Variants in WIPF1 observed in about 807,000 individuals in gnomAD.
The protein encoded by WIPF1 is WAS/WASL-interacting protein family member 1.
A neutral mutation model predicts 35.4 loss-of-function variants in WIPF1; 13 were observed. That is an observed-to-expected ratio of 0.37 (90% CI 0.24 to 0.58). WIPF1 has a LOEUF of 0.58. Ranked by LOEUF, WIPF1 falls within the 20% of genes least tolerant of loss-of-function variation. The pLI is 0.74. For missense variants in WIPF1, 591 were observed against 667.0 expected, an observed-to-expected ratio of 0.89 and a Z score of 1.25; for synonymous variants, 267 against 266.3, an observed-to-expected ratio of 1.00 and a Z score of -0.02.
rs1685731402 is a variant in WIPF1 at position 174,594,484 on chromosome 2, C to T, written c.-39+3117G>A. Among the ~76,000 whole-genome samples, 3 of 152,122 alleles carry T rather than the reference C, an allele frequency of 2.0e-5. No individual in the cohort carries two copies. In the South Asian group the frequency reaches 6.2e-4, roughly 32 times the overall value. ...GAGAAAATGAAGGTGAGCTGAATGA[C>T]ACGCCTACCTGTCATTATTTAACTG... On this transcript the variant is annotated intron_variant, in intron 1 of 7. Transcript: ENST00000679041.
intron 1 of WIPF1, among the ~76,000 whole-genome samples, chr2:174,627,501 C>CCCTT (rs779321946): frequency 6.8e-6 from 1 of 146,738 alleles, no homozygotes; most frequent in African/African-American, 2.5e-5. Context: ...CTTCCTTCCT[C>CCCTT]CCTTCCTTCC....
chr2:174,631,273 G>A (rs927411126), intron 1 of WIPF1, among the ~76,000 whole-genome samples: 3 of 152,224 alleles, frequency 2.0e-5, no homozygotes, highest in Non-Finnish European at 2.9e-5. Flanking sequence ...ATACAAATAT[G>A]TTTGGCCTTA....
intron 1 of WIPF1, among the ~76,000 whole-genome samples, chr2:174,604,749 T>G (rs892506158): frequency 3.5e-4 from 53 of 152,190 alleles, no homozygotes; most frequent in Middle Eastern, 3.2e-3. Context: ...TGTTCAGGAT[T>G]TTAGACTTTA....
At chr2:174,564,005 A>G (rs1684566348) in intron 7 of WIPF1, among the ~76,000 whole-genome samples, 1 of 152,170 alleles carries the variant, frequency 6.6e-6, no homozygotes, top group Non-Finnish European at 1.5e-5. Context: ...CCAGACACCT[A>G]TCATGGGGCC....
intron 1 of WIPF1, among the ~76,000 whole-genome samples, chr2:174,616,609 A>G (rs1686512812): frequency 6.6e-6 from 1 of 152,210 alleles, no homozygotes; most frequent in South Asian, 2.1e-4. Context: ...TAAGATGACC[A>G]ACATTGAATT....
At chr2:174,605,674 G>C (rs1686137781) in intron 1 of WIPF1, among the ~76,000 whole-genome samples, 1 of 152,078 alleles carries the variant, frequency 6.6e-6, no homozygotes, top group East Asian at 1.9e-4. Flanking sequence ...TATGATGCCT[G>C]GGCTTGTTTC....
intron 1 of WIPF1, among the ~76,000 whole-genome samples, chr2:174,667,255 G>A (rs1044495850): frequency 6.6e-6 from 1 of 152,182 alleles, no homozygotes; most frequent in African/African-American, 2.4e-5. Flanking sequence ...CCTGGGACTG[G>A]TCGAGGTCTC....
At chr2:174,614,899 AAT>A (rs1686461244) in intron 1 of WIPF1, among the ~76,000 whole-genome samples, 1 of 152,210 alleles carries the variant, frequency 6.6e-6, no homozygotes, top group African/African-American at 2.4e-5. Context: ...CCTCTGCCCC[AAT>A]ATCTTGAGAA....
At chr2:174,612,476 T>C (rs1686378301) in intron 1 of WIPF1, among the ~76,000 whole-genome samples, 1 of 152,206 alleles carries the variant, frequency 6.6e-6, no homozygotes, top group Non-Finnish European at 1.5e-5. Context: ...TTATTACAAA[T>C]CCTATTATAA....
rs1052478578 is a variant in WIPF1, at chr2:174,653,594, T to A, written c.-39+29180A>T. On this transcript the variant is annotated intron_variant, in intron 1 of 8. Transcript: ENST00000272746. ...TACTAAAAATACTAAAAAAAAAAATTAGCCGGGTGTGGTGGCGGGTGCCTG... is the reference window on the plus strand; with the variant it reads ...TACTAAAAATACTAAAAAAAAAAATAAGCCGGGTGTGGTGGCGGGTGCCTG... 1.9e-4 allele frequency among the ~76,000 whole-genome samples: 28 copies of A among 151,310 alleles called. No homozygotes were observed. In the East Asian group the frequency reaches 5.4e-3, roughly 29 times the overall value.
chr2:174,581,199 G>T, intron 3 of WIPF1, 111 bp downstream of exon 3: 1 of 1,459,546 alleles, frequency 6.9e-7, no homozygotes. Flanking sequence ...TAGCTTTGCA[G>T]CTGTTGTTAA....
intron 1 of WIPF1, chr2:174,625,807 C>T (rs1038438911): frequency 1.3e-5 from 2 of 152,116 alleles, no homozygotes; most frequent in Admixed American, 6.5e-5. Flanking sequence ...TCAAATGTAA[C>T]TCAATAGTCT....
At position 174,561,479 on chromosome 2, in the gene WIPF1, G is replaced by C. The variant is rs1684482205; in HGVS notation, c.*1068C>G. 6.6e-6 allele frequency: 1 copy of C among 152,380 alleles called. No individual in the cohort carries two copies. The highest frequency in any genetic ancestry group is 1.5e-5 in the Non-Finnish European group (1 of 68,176). 9.4% of individuals were successfully genotyped at this position (152,380 alleles called of 1,614,324 possible). ...CGTGAGCCAGCTGGTTCTGAGCCCA[G>C]AAGTCCCGACAGGCTTTCCATTTGT... On this transcript the variant is annotated 3_prime_UTR_variant, in exon 8 of 8. Transcript: ENST00000679041.
chr2:174,595,856 A>G (rs1010184843), intron 1 of WIPF1, among the ~76,000 whole-genome samples: 2 of 152,252 alleles, frequency 1.3e-5, no homozygotes, highest in African/African-American at 4.8e-5. Context: ...CTTCAACAAC[A>G]AGCACATGTT....
intron 1 of WIPF1, among the ~76,000 whole-genome samples, chr2:174,642,148 C>A (rs1000532720): frequency 4.6e-5 from 7 of 152,192 alleles, no homozygotes; most frequent in African/African-American, 1.7e-4. Flanking sequence ...CCTTTCACTT[C>A]AACCAAACCT....
intron 1 of WIPF1, among the ~76,000 whole-genome samples, chr2:174,610,934 A>G (rs1357208354): frequency 6.6e-6 from 1 of 152,208 alleles, no homozygotes; most frequent in African/African-American, 2.4e-5. Context: ...CAGCCAAAAG[A>G]AAAACGCACA....
intron 1 of WIPF1, among the ~76,000 whole-genome samples, chr2:174,586,684 G>A (rs578254556): frequency 8.5e-5 from 13 of 152,152 alleles, no homozygotes; most frequent in Non-Finnish European, 1.8e-4. Flanking sequence ...CTAGGACAAC[G>A]CCTCACCCAC....
intron 1 of WIPF1, among the ~76,000 whole-genome samples, chr2:174,594,326 C>T (rs1219381327): frequency 6.6e-6 from 1 of 152,134 alleles, no homozygotes; most frequent in Admixed American, 6.5e-5. Flanking sequence ...AGCTTGGACA[C>T]AATTTTACTG....
chr2:174,658,733 A>G (rs898876491), intron 1 of WIPF1, among the ~76,000 whole-genome samples: 3 of 151,982 alleles, frequency 2.0e-5, no homozygotes, highest in African/African-American at 7.3e-5. Flanking sequence ...CATGTTCTAT[A>G]GCGGGATGGT....
Sources: gnomAD v4.1 joint callset for allele counts (sites outside exome capture counted in the v4.1 genomes callset) on GRCh38, gnomAD v4.1.1 for gene constraint, MANE v1.5 for transcripts, NCBI Gene and HGNC (gene_info 2026-07-23, HGNC 2026-07-21) for gene names.